Variants in ANKRD45 observed in about 807,000 individuals in gnomAD.
ANKRD45 encodes the protein ankyrin repeat domain 45, also known as ankyrin repeat domain-containing protein 45.
A neutral mutation model predicts 28.1 loss-of-function variants in ANKRD45; 21 were observed. The observed-to-expected ratio is 0.75, with a 90% confidence interval of 0.53 to 1.08. ANKRD45 has a LOEUF of 1.08. Ranked by LOEUF, ANKRD45 falls within the 50% of genes least tolerant of loss-of-function variation. ANKRD45 has a pLI of 0.00. For synonymous variants in ANKRD45, 86 were observed against 103.9 expected, an observed-to-expected ratio of 0.83 and a Z score of 1.05; for missense variants, 261 against 308.7, an observed-to-expected ratio of 0.85 and a Z score of 1.16.
rs142571615 is a variant in ANKRD45 at position 173,609,309 on chromosome 1, C to T, written c.*836G>A. ...CAGAACAGGACAAAGAAGAGAAAGC[C>T]ATAAGAACGAACAATAAGTGCTTTT... On this transcript the variant is annotated 3_prime_UTR_variant, in exon 6 of 6. Transcript: ENST00000333279. Among the ~76,000 whole-genome samples the T allele has an allele frequency of 1.6e-3, 238 of 152,246 alleles. No homozygotes were observed. Among genetic ancestry groups the T allele is most frequent in the African/African-American group, 5.6e-3 (232 of 41,548 alleles).
chr1:173,635,180 C>CACA (rs1668371553), intron 3 of ANKRD45, among the ~76,000 whole-genome samples: 2 of 151,904 alleles, frequency 1.3e-5, no homozygotes, highest in Non-Finnish European at 2.9e-5. Flanking sequence ...AAAACAACAA[C>CACA]ACAACAACAA....
intron 5 of ANKRD45, among the ~76,000 whole-genome samples, chr1:173,623,299 G>A (rs1240735890): frequency 2.0e-5 from 3 of 149,528 alleles, no homozygotes; most frequent in Non-Finnish European, 4.4e-5. Context: ...ACAAGAGTGA[G>A]ACTCCGCCTC....
chr1:173,697,396 T>A, the ANKRD45 span, among the ~76,000 whole-genome samples: 2 of 151,692 alleles, frequency 1.3e-5, no homozygotes, highest in African/African-American at 2.4e-5. Flanking sequence ...AAGGAAAAAA[T>A]GTTAAGGGCA....
At position 173,615,407 on chromosome 1, in the gene ANKRD45, C is replaced by T. The variant is rs1005297859; in HGVS notation, c.731-5192G>A. On this transcript the variant is annotated intron_variant, in intron 5 of 5. Coordinates refer to ENST00000333279, the MANE Select transcript of ANKRD45 (RefSeq NM_198493.3). ...TCAAAAAAAAAAAAAAAAAAAAATG[C>T]CCCCCAAGTGTAGTGCTGAAGTGCG... Among the ~76,000 whole-genome samples, 7 of 149,168 alleles carry T rather than the reference C, an allele frequency of 4.7e-5. No individual in the cohort carries two copies. In the East Asian group the frequency reaches 1.4e-3, roughly 29 times the overall value.
chr1:173,710,416 A>G, the ANKRD45 span, among the ~76,000 whole-genome samples: 1 of 152,160 alleles, frequency 6.6e-6, no homozygotes, highest in African/African-American at 2.4e-5. Context: ...ACAAGTGTGA[A>G]GTTTGACCTT....
At chr1:173,669,143 A>G (rs921811191) in intron 1 of ANKRD45, among the ~76,000 whole-genome samples, 7 of 152,194 alleles carry the variant, frequency 4.6e-5, no homozygotes, top group African/African-American at 1.4e-4. Context: ...CAGGGATTCA[A>G]TGGAGGTAGG....
chr1:173,675,209 C>G, the ANKRD45 span: 1 of 212,174 alleles, frequency 4.7e-6, no homozygotes, highest in Non-Finnish European at 9.9e-6. Context: ...GTTCGCAGGG[C>G]TTTAAAAAAA....
At chr1:173,634,687 T>C (rs190471738) in intron 3 of ANKRD45, among the ~76,000 whole-genome samples, 2 of 151,930 alleles carry the variant, frequency 1.3e-5, no homozygotes, top group South Asian at 4.1e-4. Flanking sequence ...AATCTAAAAT[T>C]TTTTAGATTT....
At chr1:173,667,273 A>G (rs1179916342) in intron 1 of ANKRD45, among the ~76,000 whole-genome samples, 1 of 152,152 alleles carries the variant, frequency 6.6e-6, no homozygotes, top group East Asian at 1.9e-4. Context: ...TCCCCCTGCC[A>G]TTTTCCATTA....
rs1667026484 is a variant in ANKRD45 at position 173,608,790 on chromosome 1, G to A, written c.*1355C>T. On this transcript the variant is annotated 3_prime_UTR_variant, in exon 6 of 6. Coordinates refer to ENST00000333279, the MANE Select transcript of ANKRD45 (RefSeq NM_198493.3). ...GGTGGAGAGAGAGAGAGAGATAAGA[G>A]AGGAAGAAGAAGGAGTTGGAGAGGG... 1.4e-5 allele frequency among the ~76,000 whole-genome samples: 2 copies of A among 142,346 alleles called. No individual in the cohort carries two copies. The highest frequency in any genetic ancestry group is 2.4e-4 in the South Asian group (1 of 4,194). The allele number at this position is 142,346 out of a possible 152,430, so 93.4% of individuals were successfully genotyped here.
At position 173,609,834 on chromosome 1, in the gene ANKRD45, C is replaced by T; in HGVS notation, c.*311G>A. 1 of 254,564 alleles carries T rather than the reference C, an allele frequency of 3.9e-6. No homozygotes were observed. The highest frequency in any genetic ancestry group is 7.4e-6 in the Non-Finnish European group (1 of 135,204). The allele number at this position is 254,564 out of a possible 1,614,324, so 15.8% of individuals were successfully genotyped here. ...ATATGTCCTTTTATATGGAATGCCT[C>T]AATTACACAGAAAATTATTAGATTC... On this transcript the variant is annotated 3_prime_UTR_variant, in exon 6 of 6. Transcript: ENST00000333279.
At chr1:173,714,099 A>T in the ANKRD45 span, among the ~76,000 whole-genome samples, 3 of 151,170 alleles carry the variant, frequency 2.0e-5, no homozygotes, top group Non-Finnish European at 3.0e-5. Flanking sequence ...CTACATAAAG[A>T]ACAGCTAAAG....
chr1:173,669,344 T>A, intron 1 of ANKRD45: 1 of 428,358 alleles, frequency 2.3e-6, no homozygotes, highest in Non-Finnish European at 4.6e-6. Context: ...AGCCTGAAGT[T>A]GTGATAGAGG....
At chr1:173,681,641 G>A in the ANKRD45 span, among the ~76,000 whole-genome samples, 137 of 152,198 alleles carry the variant, frequency 9.0e-4, no homozygotes, top group African/African-American at 3.0e-3. Flanking sequence ...CTAGGCAGTT[G>A]TCAGCTACAT....
At position 173,614,304 on chromosome 1, in the gene ANKRD45, A is replaced by G. The variant is rs192831431; in HGVS notation, c.731-4089T>C. On this transcript the variant is annotated intron_variant, in intron 5 of 5. Coordinates refer to ENST00000333279, the MANE Select transcript of ANKRD45 (RefSeq NM_198493.3). ...TAAATAAAATAAAATAAAATAAAGA[A>G]AGAGCTGAACCTGTTTGTCCCTGGG... Among the ~76,000 whole-genome samples the G allele has an allele frequency of 2.6e-5, 4 of 152,136 alleles. 1 individual carries two copies. In the East Asian group the frequency reaches 7.7e-4, roughly 29 times the overall value.
At chr1:173,687,799 T>A in the ANKRD45 span, among the ~76,000 whole-genome samples, 1 of 152,106 alleles carries the variant, frequency 6.6e-6, no homozygotes, top group Non-Finnish European at 1.5e-5. Context: ...CTACAAGAGT[T>A]TCCTTATCAC....
intron 2 of ANKRD45, among the ~76,000 whole-genome samples, chr1:173,651,273 G>T (rs1669204754): frequency 6.6e-6 from 1 of 152,150 alleles, no homozygotes; most frequent in South Asian, 2.1e-4. Context: ...TTTAGCATAA[G>T]GTGTAAGGAA....
At chr1:173,637,891 G>A (rs1668524350) in intron 3 of ANKRD45, among the ~76,000 whole-genome samples, 2 of 152,146 alleles carry the variant, frequency 1.3e-5, no homozygotes, top group African/African-American at 2.4e-5. Context: ...TCATGGGGAG[G>A]TGCCCCACTG....
At chr1:173,677,998 G>A in the ANKRD45 span, among the ~76,000 whole-genome samples, 19 of 152,038 alleles carry the variant, frequency 1.2e-4, no homozygotes, top group African/African-American at 4.6e-4. Context: ...GAACTGTGGG[G>A]AAAAATAACT....
Sources: gnomAD v4.1 joint callset for allele counts (sites outside exome capture counted in the v4.1 genomes callset) on GRCh38, gnomAD v4.1.1 for gene constraint, MANE v1.5 for transcripts, NCBI Gene and HGNC (gene_info 2026-07-23, HGNC 2026-07-21) for gene names.